MYO16: variants seen among roughly 807,000 people sequenced by gnomAD.
MYO16 encodes the protein myosin XVI, also known as unconventional myosin-XVI.
In MYO16, 94 loss-of-function variants were observed where a neutral mutation model predicts 205.3. The ratio of observed to expected loss-of-function variants is 0.46; its 90% CI spans 0.39 to 0.54. The LOEUF is 0.54. Among genes scored for constraint, MYO16 ranks in the 20% least tolerant of loss-of-function variants. MYO16 has a pLI of 0.00. For synonymous variants in MYO16, 988 were observed against 954.0 expected (o/e 1.04, Z -0.66); for missense variants, 2,315 against 2,387.5 (o/e 0.97, Z 0.63).
At chr13:108,902,227 C>G (rs1188725745) in intron 15 of MYO16, among the ~76,000 whole-genome samples, 4 of 152,200 alleles carry the variant, frequency 2.6e-5, no homozygotes, top group African/African-American at 9.6e-5. Flanking sequence ...GCCACGCACT[C>G]TCTCATGCCA....
At chr13:108,879,000 GT>G (rs1477488243) in intron 12 of MYO16, among the ~76,000 whole-genome samples, 1 of 152,210 alleles carries the variant, frequency 6.6e-6, no homozygotes, top group Non-Finnish European at 1.5e-5. Flanking sequence ...GATGACTTCA[GT>G]TTTTTGTAGT....
chr13:109,044,088 C>A (rs1347779149), intron 23 of MYO16, among the ~76,000 whole-genome samples: 1 of 151,914 alleles, frequency 6.6e-6, no homozygotes, highest in Admixed American at 6.6e-5. Flanking sequence ...ACAGTCAGAT[C>A]CAATGATTGA....
chr13:108,741,997 T>A (rs925264890), intron 4 of MYO16, among the ~76,000 whole-genome samples: 27 of 152,184 alleles, frequency 1.8e-4, no homozygotes, highest in African/African-American at 6.3e-4. Context: ...ATTGTTTCCT[T>A]GTCTGTTTGT....
At chr13:109,082,860 C>G (rs377471348) in intron 27 of MYO16, among the ~76,000 whole-genome samples, 1 of 151,896 alleles carries the variant, frequency 6.6e-6, no homozygotes, top group Admixed American at 6.6e-5. Context: ...TTAGATGAAG[C>G]GGGTTCAAGG....
chr13:108,693,106 C>A (rs539756412), intron 2 of MYO16, among the ~76,000 whole-genome samples: 1 of 152,240 alleles, frequency 6.6e-6, no homozygotes, highest in Non-Finnish European at 1.5e-5. Context: ...AATTATTTAA[C>A]ACTAGATTTT....
chr13:108,944,656 T>C (rs551740967), intron 16 of MYO16, among the ~76,000 whole-genome samples: 6 of 152,324 alleles, frequency 3.9e-5, no homozygotes, highest in African/African-American at 1.2e-4. Context: ...ATGAGAGCGA[T>C]TACTAAAGAA....
At chr13:108,707,205 C>T (rs1051221592) in intron 2 of MYO16, among the ~76,000 whole-genome samples, 3 of 152,062 alleles carry the variant, frequency 2.0e-5, no homozygotes, top group Admixed American at 1.3e-4. Context: ...CCAGGCTGGA[C>T]GGAAACAAGC....
the MYO16 span, among the ~76,000 whole-genome samples, chr13:108,537,148 C>T: frequency 6.6e-6 from 1 of 152,080 alleles, no homozygotes; most frequent in African/African-American, 2.4e-5. Flanking sequence ...TTTCAACCCT[C>T]ACCCACCTCT....
At chr13:108,686,589 G>A (rs1313512869) in intron 2 of MYO16, among the ~76,000 whole-genome samples, 1 of 152,192 alleles carries the variant, frequency 6.6e-6, no homozygotes, top group Admixed American at 6.5e-5. Flanking sequence ...CTGATTCAGA[G>A]TCACAAAAAG....
At chr13:108,732,589 G>C (rs1324946014) in intron 4 of MYO16, among the ~76,000 whole-genome samples, 1 of 152,196 alleles carries the variant, frequency 6.6e-6, no homozygotes, top group Non-Finnish European at 1.5e-5. Context: ...GGGGTCAGGG[G>C]ATAGATGTAC....
At chr13:108,598,338 G>C (rs1197325659) in intron 1 of MYO16, among the ~76,000 whole-genome samples, 1 of 151,660 alleles carries the variant, frequency 6.6e-6, no homozygotes, top group African/African-American at 2.4e-5. Context: ...GACAGACAGA[G>C]AGACAACACT....
At chr13:108,612,450 GCA>G (rs1385395691) in intron 1 of MYO16, among the ~76,000 whole-genome samples, 1 of 152,136 alleles carries the variant, frequency 6.6e-6, no homozygotes, top group African/African-American at 2.4e-5. Flanking sequence ...GCTACTGTCT[GCA>G]CAGTCTTGAC....
intron 21 of MYO16, among the ~76,000 whole-genome samples, chr13:108,995,114 A>C (rs550971760): frequency 6.6e-6 from 1 of 152,302 alleles, no homozygotes; most frequent in African/African-American, 2.4e-5. Context: ...TAGAGGAGGT[A>C]ATTGACAAAC....
chr13:108,978,306 G>A (rs1884339969), intron 20 of MYO16, among the ~76,000 whole-genome samples: 1 of 151,886 alleles, frequency 6.6e-6, no homozygotes, highest in African/African-American at 2.4e-5. Context: ...CAATACATGT[G>A]GGAAATTTGT....
the MYO16 span, among the ~76,000 whole-genome samples, chr13:108,523,222 C>T: frequency 0.05 from 7,660 of 152,186 alleles, 602 homozygotes; most frequent in African/African-American, 0.17. Context: ...GCATGTGGAC[C>T]TTGGTCCAGT....
the MYO16 span, among the ~76,000 whole-genome samples, chr13:108,580,805 T>C: frequency 3.3e-5 from 5 of 152,208 alleles, no homozygotes; most frequent in African/African-American, 1.2e-4. Context: ...GACTGGAGGA[T>C]AGTCAGTAAA....
chr13:108,744,909 T>A (rs1267753970), intron 4 of MYO16, among the ~76,000 whole-genome samples: 2 of 152,220 alleles, frequency 1.3e-5, no homozygotes, highest in Non-Finnish European at 2.9e-5. Flanking sequence ...ATCACTAGAA[T>A]CTATAGTGGA....
intron 2 of MYO16, among the ~76,000 whole-genome samples, chr13:108,708,545 T>C (rs1046196493): frequency 2.0e-5 from 3 of 152,240 alleles, no homozygotes; most frequent in Admixed American, 2.0e-4. Flanking sequence ...TAACTTCTTA[T>C]CACCTGTGAT....
intron 24 of MYO16, among the ~76,000 whole-genome samples, chr13:109,051,678 C>T (rs1887251758): frequency 6.6e-6 from 1 of 152,146 alleles, no homozygotes; most frequent in African/African-American, 2.4e-5. Context: ...CTCATGGACT[C>T]AGAATTATTT....
Sources: allele counts gnomAD v4.1 joint callset (sites outside exome capture counted in the v4.1 genomes callset), GRCh38; gene constraint gnomAD v4.1.1; transcripts MANE v1.5; gene names NCBI Gene and HGNC (gene_info 2026-07-23, HGNC 2026-07-21).